TSC22D1: variants seen among roughly 807,000 people sequenced by gnomAD.
TSC22D1 encodes TSC22 domain family protein 1.
Under a neutral mutation model 74.2 loss-of-function variants are expected in TSC22D1, and 9 were observed. The observed-to-expected ratio is 0.12, with a 90% confidence interval of 0.07 to 0.21. The LOEUF (loss-of-function observed/expected upper bound fraction) is 0.21. Among genes scored for constraint, TSC22D1 ranks in the 10% least tolerant of loss-of-function variants. The pLI, the probability that TSC22D1 is intolerant of heterozygous loss-of-function variation, is 1.00. For missense variants in TSC22D1, 1,427 were observed against 1,304.7 expected (o/e 1.09, Z -1.44); for synonymous variants, 586 against 492.5 (o/e 1.19, Z -2.51).
rs1314791678 is a variant in TSC22D1 at position 44,574,421 on chromosome 13, G to C, written c.1654C>G (p.Gln552Glu). The change falls in exon 1 of 3, where the codon CAA becomes GAA. Residue 552 changes from glutamine (Q) to glutamate (E), a missense_variant. This residue lies in a region of TSC22D1 where 1,343 missense variants were observed against 1,191.5 expected (regional missense o/e 1.13). Coordinates refer to ENST00000458659, the MANE Select transcript of TSC22D1 (RefSeq NM_183422.4). The stretch of plus-strand genomic sequence containing the variant: ...TGCTTTTGCTGATAGCTCAGTTCTT[G>C]AGACTGTAATTGTACTTGTGAGATC... ...SQISQVQLQS[Q>E]ELSYQQKQGL... is the part of the protein sequence containing the mutation. 2 of 1,614,230 alleles carry C rather than the reference G, an allele frequency of 1.2e-6. No homozygotes were observed. Among genetic ancestry groups the C allele is most frequent in the Admixed American group, 1.7e-5 (1 of 60,032 alleles).
intron 1 of TSC22D1, among the ~76,000 whole-genome samples, chr13:44,496,770 T>C (rs1280394236): frequency 2.0e-5 from 3 of 151,890 alleles, no homozygotes; most frequent in South Asian, 2.1e-4. Flanking sequence ...GAGACAAAGA[T>C]AGGGGGATCG....
In TSC22D1 at chr13:44,575,873, G is replaced by T. The variant is rs746233880; in HGVS notation, c.202C>A (p.Pro68Thr). ...FPPPSLLQPP[P>T]PAASSTSGPQ... ...CCCGACGTAGAAGATGCTGCAGGGG[G>T]CGGCGGCTGAAGCAGCGACGGAGGC... is the stretch of plus-strand genomic sequence containing the variant. The change falls in exon 1 of 3, where the codon CCC becomes ACC. Residue 68 changes from proline (P) to threonine (T), a missense_variant. By Grantham distance (38) the Pro-to-Thr change is conservative (BLOSUM62 -1). Around this residue, in one of 3 missense-constraint regions of TSC22D1, gnomAD observed 1,343 missense variants for 1,191.5 expected, o/e 1.13. Coordinates refer to ENST00000458659, the MANE Select transcript of TSC22D1 (RefSeq NM_183422.4). 6.2e-7 allele frequency: 1 copy of T among 1,614,132 alleles called. No homozygotes were observed. Among genetic ancestry groups the T allele is most frequent in the Non-Finnish European group, 8.5e-7 (1 of 1,180,014 alleles).
Position 44,574,999 on chromosome 13 carries a change from A to C in TSC22D1, c.1076T>G (p.Val359Gly), listed in dbSNP as rs568294097. ...CATGCCACTCAAGATATTCACATTA[A>C]CACCACTGGTAACTCCAGGCCCAAC... is the stretch of plus-strand genomic sequence containing the variant. ...VSVGPGVTSGVNVNILSGMGN... is the reference protein window; with the variant it reads ...VSVGPGVTSGGNVNILSGMGN... Residue 359 changes from valine to glycine, a missense_variant, in exon 1 of 3, where the codon GTT becomes GGT. Physicochemically the swap from Val to Gly is moderately radical, Grantham distance 109 (BLOSUM62 -3). Coordinates refer to ENST00000458659, the MANE Select transcript of TSC22D1 (RefSeq NM_183422.4). The C allele has an allele frequency of 1.9e-6, 3 of 1,614,106 alleles. No homozygotes were observed. Among genetic ancestry groups the C allele is most frequent in the African/African-American group, 1.3e-5 (1 of 75,034 alleles).
intron 1 of TSC22D1, among the ~76,000 whole-genome samples, chr13:44,476,414 TTTC>T (rs1566130884): frequency 1.3e-5 from 2 of 152,168 alleles, no homozygotes; most frequent in Admixed American, 6.5e-5. Flanking sequence ...AAGTGATTTT[TTTC>T]TTTTTGTTGA....
At chr13:44,502,736 A>C (rs1271510965) in intron 1 of TSC22D1, among the ~76,000 whole-genome samples, 2 of 152,344 alleles carry the variant, frequency 1.3e-5, no homozygotes, top group African/African-American at 2.4e-5. Context: ...TGCTTGACTA[A>C]GCTTACATAG....
At chr13:44,435,895 C>A in intron 2 of TSC22D1, 149 bp downstream of exon 2, 1 of 855,130 alleles carries the variant, frequency 1.2e-6, no homozygotes, top group South Asian at 1.5e-5. Context: ...GGTGGCTCCA[C>A]GCTGGCCGAA....
chr13:44,539,908 T>C, intron 1 of TSC22D1: 1 of 1,289,746 alleles, frequency 7.8e-7, no homozygotes, highest in Non-Finnish European at 1.0e-6. Flanking sequence ...CTTGCACCTC[T>C]GGTAGGAGAG....
At chr13:44,539,654 C>T (rs1011652673) in intron 1 of TSC22D1, 3 of 1,149,390 alleles carry the variant, frequency 2.6e-6, no homozygotes, top group Non-Finnish European at 3.3e-6. Context: ...AAACAGATTG[C>T]AGTCCCACCT....
chr13:44,458,895 G>T (rs1876829390), intron 1 of TSC22D1, among the ~76,000 whole-genome samples: 1 of 152,174 alleles, frequency 6.6e-6, no homozygotes, highest in African/African-American at 2.4e-5. Flanking sequence ...GCAGCTCCAT[G>T]CAAACCTGCA....
intron 1 of TSC22D1, among the ~76,000 whole-genome samples, chr13:44,561,486 T>C (rs922226538): frequency 6.6e-6 from 1 of 152,220 alleles, no homozygotes; most frequent in Non-Finnish European, 1.5e-5. Context: ...GTTAGCCTTA[T>C]GTATACAAAG....
chr13:44,435,245 C>T (rs1397774238), intron 2 of TSC22D1: 3 of 194,468 alleles, frequency 1.5e-5, no homozygotes, highest in Non-Finnish European at 1.0e-5. Context: ...CCCCGCCCCG[C>T]GCTCGCCCGG....
chr13:44,446,790 G>GGAAGAGGAGGAA (rs372468670), intron 1 of TSC22D1, among the ~76,000 whole-genome samples: 3 of 64,382 alleles, frequency 4.7e-5, no homozygotes, highest in Non-Finnish European at 1.2e-4. Context: ...AAGAAGAGGA[G>GGAAGAGGAGGAA]GAGGAGGAGG....
intron 1 of TSC22D1, among the ~76,000 whole-genome samples, chr13:44,491,666 C>T (rs764414138): frequency 1.3e-5 from 2 of 151,490 alleles, no homozygotes; most frequent in Non-Finnish European, 2.9e-5. Context: ...AATGAATTTA[C>T]GGAAAAGGAA....
chr13:44,540,096 G>C (rs1298780279), intron 1 of TSC22D1: 1 of 392,856 alleles, frequency 2.5e-6, no homozygotes, highest in African/African-American at 2.1e-5. Flanking sequence ...CACCACAAAT[G>C]ATTAATTCCT....
At chr13:44,483,396 T>C (rs1878273335) in intron 1 of TSC22D1, among the ~76,000 whole-genome samples, 1 of 152,180 alleles carries the variant, frequency 6.6e-6, no homozygotes, top group South Asian at 2.1e-4. Flanking sequence ...GTGCGGTGGC[T>C]CAAGCCTGTA....
chr13:44,505,222 C>T (rs1488962583), intron 1 of TSC22D1, among the ~76,000 whole-genome samples: 1 of 152,062 alleles, frequency 6.6e-6, no homozygotes, highest in African/African-American at 2.4e-5. Context: ...TGAAGCCAGG[C>T]GCTTGAGTCA....
intron 1 of TSC22D1, among the ~76,000 whole-genome samples, chr13:44,500,392 T>A (rs558639083): frequency 1.3e-5 from 2 of 152,330 alleles, no homozygotes; most frequent in Admixed American, 1.3e-4. Context: ...AGACATAAAA[T>A]TATTTCACAG....
chr13:44,459,018 TG>T (rs1876837838), intron 1 of TSC22D1, among the ~76,000 whole-genome samples: 3 of 152,104 alleles, frequency 2.0e-5, no homozygotes, highest in Admixed American at 1.3e-4. Flanking sequence ...CACTTTCAAG[TG>T]GTAGATGGCC....
Position 44,575,827 on chromosome 13 carries a change from T to C in TSC22D1, c.248A>G (p.Gln83Arg). The C allele has an allele frequency of 6.2e-7, 1 of 1,613,538 alleles. No homozygotes were observed. Among genetic ancestry groups the C allele is most frequent in the Non-Finnish European group, 8.5e-7 (1 of 1,179,852 alleles). ...STSGPQPPPP[Q>R]SLNLLSQAQL... ...AGCCTGCGAAAGGAGGTTCAGGCTT[T>C]GTGGAGGCGGAGGCTGTGGTCCCGA... Residue 83 changes from glutamine to arginine, a missense_variant, in exon 1 of 3, where the codon CAA becomes CGA. This residue lies in a region of TSC22D1 where 1,343 missense variants were observed against 1,191.5 expected (regional missense o/e 1.13). Coordinates refer to ENST00000458659, the MANE Select transcript of TSC22D1 (RefSeq NM_183422.4).
Sources: gnomAD v4.1 joint callset for allele counts (sites outside exome capture counted in the v4.1 genomes callset) on GRCh38, gnomAD v4.1.1 for gene constraint, gnomAD v4.1.1 regional missense constraint, MANE v1.5 for transcripts, NCBI Gene and HGNC (gene_info 2026-07-23, HGNC 2026-07-21) for gene names.